The following CTNNA2 variants were observed in gnomAD, a reference collection of about 807,000 sequenced individuals.
CTNNA2 encodes the protein catenin alpha 2, also known as catenin alpha-2.
A neutral mutation model predicts 101.0 loss-of-function variants in CTNNA2; 42 were observed. The observed-to-expected ratio is 0.42, with a 90% CI of 0.32 to 0.54. The LOEUF (loss-of-function observed/expected upper bound fraction) is 0.54. CTNNA2 is among the 20% of genes least tolerant of loss of function. The probability of loss-of-function intolerance (pLI) is 0.14; values close to 1 mark genes in which losing one functional copy is unlikely to be tolerated. For synonymous variants in CTNNA2, 450 were observed against 456.4 expected, an observed-to-expected ratio of 0.99 and a Z score of 0.18; for missense variants, 871 against 1,223.1, an observed-to-expected ratio of 0.71 and a Z score of 4.29.
Position 79,216,501 on chromosome 2 carries a change from CG to C in CTNNA2, c.-406+18429del, listed in dbSNP as rs1444773827. On this transcript the variant is annotated intron_variant, in intron 2 of 21. Coordinates refer to the CTNNA2 transcript ENST00000466387. Reference sequence around the variant, plus strand: ...AGGTTGGGGCATGGAAATAAGGGATCGGGGCACAGAGATAAGAGGTTGGGGT... The same window carrying C: ...AGGTTGGGGCATGGAAATAAGGGATCGGGCACAGAGATAAGAGGTTGGGGT... Among the ~76,000 whole-genome samples the C allele has an allele frequency of 7.3e-5, 11 of 150,996 alleles. No homozygotes were observed. The East Asian group carries it at 2.2e-3, about 30-fold the overall frequency.
intron 4 of CTNNA2, among the ~76,000 whole-genome samples, chr2:79,382,739 G>A (rs1249184708): frequency 3.3e-5 from 5 of 152,118 alleles, no homozygotes; most frequent in South Asian, 4.2e-4. Context: ...TCAGCCTCCC[G>A]AGTAGCTGGG....
chr2:80,097,656 A>G (rs1700242979), intron 7 of CTNNA2, among the ~76,000 whole-genome samples: 1 of 152,118 alleles, frequency 6.6e-6, no homozygotes, highest in South Asian at 2.1e-4. Context: ...TCAGATGTAG[A>G]TTTGGTCTTT....
At chr2:79,918,705 A>G in intron 7 of CTNNA2, among the ~76,000 whole-genome samples, 1 of 152,332 alleles carries the variant, frequency 6.6e-6, no homozygotes, top group Admixed American at 6.5e-5. Flanking sequence ...GTGGGTTGCC[A>G]GGTACTTGGT....
intron 6 of CTNNA2, among the ~76,000 whole-genome samples, chr2:79,907,486 G>T (rs747565782): frequency 6.6e-6 from 1 of 152,070 alleles, no homozygotes; most frequent in Non-Finnish European, 1.5e-5. Context: ...ACACTAGTAC[G>T]TATAGCAGGA....
chr2:79,796,110 T>C (rs139206693), intron 3 of CTNNA2, among the ~76,000 whole-genome samples: 2 of 152,284 alleles, frequency 1.3e-5, no homozygotes, highest in African/African-American at 4.8e-5. Flanking sequence ...ATTTATATTT[T>C]GTATGTTTTT....
At chr2:80,247,291 A>G (rs1054641795) in intron 7 of CTNNA2, among the ~76,000 whole-genome samples, 1 of 152,164 alleles carries the variant, frequency 6.6e-6, no homozygotes, top group African/African-American at 2.4e-5. Context: ...CCTGTTGCCA[A>G]TAGCACTCAT....
chr2:80,545,495 G>A (rs909975794), intron 10 of CTNNA2, among the ~76,000 whole-genome samples: 2 of 152,104 alleles, frequency 1.3e-5, no homozygotes, highest in Non-Finnish European at 2.9e-5. Flanking sequence ...GCAGGGAGCT[G>A]GGATTGTGCC....
chr2:80,403,335 G>A (rs1678740123), intron 8 of CTNNA2, among the ~76,000 whole-genome samples: 1 of 152,114 alleles, frequency 6.6e-6, no homozygotes, highest in Admixed American at 6.5e-5. Flanking sequence ...ATGTCAGATG[G>A]CTTTCTTTTT....
At chr2:80,088,089 C>T (rs1699559634) in intron 7 of CTNNA2, among the ~76,000 whole-genome samples, 2 of 151,978 alleles carry the variant, frequency 1.3e-5, no homozygotes, top group Admixed American at 1.3e-4. Context: ...GCACAAGAAA[C>T]ATTGAACCTC....
At chr2:80,570,216 GT>G (rs1694460721) in intron 12 of CTNNA2, among the ~76,000 whole-genome samples, 1 of 151,844 alleles carries the variant, frequency 6.6e-6, no homozygotes, top group East Asian at 1.9e-4. Flanking sequence ...GCCTGGCTAT[GT>G]TTTGTATTTT....
At chr2:80,308,460 C>T (rs115482741) in intron 7 of CTNNA2, among the ~76,000 whole-genome samples, 3,154 of 152,166 alleles carry the variant, frequency 0.021, 81 homozygotes, top group African/African-American at 0.055. Context: ...GAAGAATTGG[C>T]GGAGAGTGGG....
chr2:79,630,457 G>A (rs1679614666), intron 1 of CTNNA2, among the ~76,000 whole-genome samples: 1 of 152,046 alleles, frequency 6.6e-6, no homozygotes, highest in Non-Finnish European at 1.5e-5. Context: ...AACACACATT[G>A]ACATTGAAAT....
At chr2:80,288,626 G>C (rs534832523) in intron 7 of CTNNA2, 1 of 152,210 alleles carries the variant, frequency 6.6e-6, no homozygotes, top group East Asian at 1.9e-4. Context: ...AGATTCTTCA[G>C]CCTGTTTCCA....
Position 79,686,983 on chromosome 2 carries a change from TG to T in CTNNA2, c.102+35326del, listed in dbSNP as rs1334488094. On this transcript the variant is annotated intron_variant, in intron 2 of 18. Transcript: ENST00000402739. ...GTTAGCATAATCAGCTTATGTCTTA[TG>T]TCGCTCTTTAGTCAAGCTTTATGGG... is the stretch of plus-strand genomic sequence containing the variant. 4.6e-5 allele frequency among the ~76,000 whole-genome samples: 7 copies of T among 152,174 alleles called. 1 individual carries two copies. The highest frequency in any genetic ancestry group is 3.9e-4 in the Admixed American group (6 of 15,274).
intron 2 of CTNNA2, among the ~76,000 whole-genome samples, chr2:79,719,619 G>GTA (rs1483326553): frequency 6.6e-6 from 1 of 152,042 alleles, no homozygotes; most frequent in Admixed American, 6.6e-5. Context: ...ATCTCATTAT[G>GTA]GTGTTGATTT....
At chr2:80,542,708 A>G (rs1691678866) in intron 9 of CTNNA2, among the ~76,000 whole-genome samples, 1 of 152,160 alleles carries the variant, frequency 6.6e-6, no homozygotes, top group South Asian at 2.1e-4. Flanking sequence ...TCTTTTGCAC[A>G]GCAAGCAGGG....
intron 9 of CTNNA2, among the ~76,000 whole-genome samples, chr2:80,539,230 A>G (rs1036987625): frequency 6.6e-6 from 1 of 152,020 alleles, no homozygotes; most frequent in African/African-American, 2.4e-5. Flanking sequence ...AAAGAGTTAC[A>G]GGATAGATGC....
intron 7 of CTNNA2, among the ~76,000 whole-genome samples, chr2:79,983,394 A>G (rs996914736): frequency 6.6e-6 from 1 of 152,156 alleles, no homozygotes; most frequent in African/African-American, 2.4e-5. Flanking sequence ...AAACATTTTT[A>G]TAAACACTGT....
At chr2:80,375,130 T>A (rs1485743829) in intron 7 of CTNNA2, among the ~76,000 whole-genome samples, 3 of 152,138 alleles carry the variant, frequency 2.0e-5, no homozygotes, top group Non-Finnish European at 4.4e-5. Context: ...ATACTCAGAC[T>A]GTATTTAATG....
Sources: gnomAD v4.1 joint callset for allele counts (sites outside exome capture counted in the v4.1 genomes callset) on GRCh38, gnomAD v4.1.1 for gene constraint, MANE v1.5 for transcripts, NCBI Gene and HGNC (gene_info 2026-07-23, HGNC 2026-07-21) for gene names.